The following CACNB4 variants were observed in gnomAD, a reference collection of about 807,000 sequenced individuals.
CACNB4 encodes the protein voltage-dependent L-type calcium channel subunit beta-4.
A neutral mutation model predicts 71.2 loss-of-function variants in CACNB4; 32 were observed. That is an observed-to-expected ratio of 0.45 (90% CI 0.34 to 0.60). The LOEUF (loss-of-function observed/expected upper bound fraction) is 0.60. CACNB4 is among the 20% of genes least tolerant of loss of function. CACNB4 has a pLI of 0.01. For missense variants in CACNB4, 464 were observed against 647.9 expected, an observed-to-expected ratio of 0.72 and a Z score of 3.08; for synonymous variants, 231 against 236.9, an observed-to-expected ratio of 0.97 and a Z score of 0.23.
chr2:151,927,629 A>C (rs1475783494), intron 2 of CACNB4, among the ~76,000 whole-genome samples: 1 of 152,256 alleles, frequency 6.6e-6, no homozygotes. Flanking sequence ...ACTGGTGAAC[A>C]GCACTGAAAA....
chr2:151,839,369 A>G lies in CACNB4; in HGVS notation c.1313T>C (p.Met438Thr), dbSNP rs766706127. 1 of 1,607,526 alleles carries G rather than the reference A, an allele frequency of 6.2e-7. No homozygotes were observed. The highest frequency in any genetic ancestry group is 8.5e-7 in the Non-Finnish European group (1 of 1,174,756). Residue 438 changes from methionine (M) to threonine (T), a missense_variant, in exon 14 of 14, where the codon ATG (methionine) becomes ACG (threonine). Around this residue, in one of 3 missense-constraint regions of CACNB4, gnomAD observed 115 missense variants for 128.8 expected, o/e 0.89. Transcript: ENST00000539935. Reference protein sequence around the residue: ...TAISGLQSQRMRHSNHSTENS... With the variant: ...TAISGLQSQRTRHSNHSTENS... ...CTCTGTGGAGTGGTTGCTGTGCCTC[A>G]TTCGCTGACTCTAAAAATATCAGAT...
At chr2:152,077,145 GC>G (rs1687075091) in intron 2 of CACNB4, among the ~76,000 whole-genome samples, 1 of 152,244 alleles carries the variant, frequency 6.6e-6, no homozygotes, top group African/African-American at 2.4e-5. Flanking sequence ...AAAGAGCCGA[GC>G]ACAGTGGCTC....
At chr2:151,878,921 AAAAAG>A (rs1282161082) in intron 4 of CACNB4, among the ~76,000 whole-genome samples, 3 of 152,216 alleles carry the variant, frequency 2.0e-5, no homozygotes, top group Non-Finnish European at 1.5e-5. Context: ...CAAAAAAATA[AAAAAG>A]AAAAGAAAAG....
chr2:151,976,638 G>A (rs995681120), intron 2 of CACNB4, among the ~76,000 whole-genome samples: 1 of 152,082 alleles, frequency 6.6e-6, no homozygotes, highest in Non-Finnish European at 1.5e-5. Context: ...CCCAATACTC[G>A]GGCTGATCCC....
intron 3 of CACNB4, among the ~76,000 whole-genome samples, 159 bp from the exon 4 acceptor site, chr2:151,881,081 A>T (rs2099847700): frequency 6.6e-6 from 1 of 152,216 alleles, no homozygotes; most frequent in Non-Finnish European, 1.5e-5. Context: ...ACCTGCAGAG[A>T]TGACTCTGAA....
At chr2:151,877,891 T>C (rs2099846849) in intron 4 of CACNB4, among the ~76,000 whole-genome samples, 1 of 152,170 alleles carries the variant, frequency 6.6e-6, no homozygotes, top group Non-Finnish European at 1.5e-5. Flanking sequence ...ATTGGCAAAA[T>C]TGCATTTCTA....
intron 5 of CACNB4, among the ~76,000 whole-genome samples, chr2:151,875,648 C>T (rs1366231594): frequency 7.3e-6 from 1 of 136,596 alleles, no homozygotes; most frequent in African/African-American, 3.0e-5. Flanking sequence ...CCCTCCCGGA[C>T]GGGGCGGCTG....
At chr2:152,096,665 T>C (rs1379199969) in intron 2 of CACNB4, among the ~76,000 whole-genome samples, 1 of 152,220 alleles carries the variant, frequency 6.6e-6, no homozygotes, top group Non-Finnish European at 1.5e-5. Context: ...CCCAAAATTA[T>C]TTAGCATGCA....
chr2:152,098,390 C>T lies in CACNB4; in HGVS notation c.87G>A (p.Arg29=). 1 of 1,613,688 alleles carries T rather than the reference C, an allele frequency of 6.2e-7. No individual in the cohort carries two copies. Among genetic ancestry groups the T allele is most frequent in the Non-Finnish European group, 8.5e-7 (1 of 1,179,636 alleles). ...TSQVARGTTT[R]RSRLKRSDGS... ...CATCGGATCTTTTCAACCTGCTCCT[C>T]CGGGTTGTGGTGCCTCGGGCCACCT... The change falls in exon 2 of 14, where the codon CGG becomes CGA. Residue 29 remains arginine, a synonymous_variant. Transcript: ENST00000539935. The surrounding 1 kb of genome is among the most constrained non-coding windows in gnomAD (Gnocchi z 5.3).
chr2:151,907,301 T>C (rs2099855067), intron 2 of CACNB4, among the ~76,000 whole-genome samples: 1 of 152,224 alleles, frequency 6.6e-6, no homozygotes, highest in Admixed American at 6.5e-5. Flanking sequence ...TATTTTTTCC[T>C]GAATCAGGTC....
intron 2 of CACNB4, among the ~76,000 whole-genome samples, chr2:151,930,030 T>C (rs2099861246): frequency 6.6e-6 from 1 of 152,050 alleles, no homozygotes. Context: ...AAAAATAAAT[T>C]CGTGATAAAG....
At chr2:152,067,391 G>GC (rs1686404929) in intron 2 of CACNB4, among the ~76,000 whole-genome samples, 1 of 144,490 alleles carries the variant, frequency 6.9e-6, no homozygotes, top group African/African-American at 2.5e-5. Flanking sequence ...GTGTGTGTGG[G>GC]GGGGGGGGTG....
Position 151,860,400 on chromosome 2 carries a change from C to A in CACNB4, c.868+311G>T, listed in dbSNP as rs1024938826. ...ACTCAGGTATGACAGATATCATTAG[C>A]CTTGTTGAGAAGCTGAGCAAAGTGG... On this transcript the variant is annotated intron_variant, in intron 10 of 13. Coordinates refer to ENST00000539935, the MANE Select transcript of CACNB4 (RefSeq NM_000726.5). 1.3e-5 allele frequency: 5 copies of A among 383,126 alleles called. No homozygotes were observed. In the Admixed American group the frequency reaches 1.4e-4, roughly 11 times the overall value. The allele number at this position is 383,126 out of a possible 1,614,324, so 23.7% of individuals were successfully genotyped here. A position where few individuals can be genotyped will look rare whatever the true frequency, so the allele number is the denominator to read the frequency against.
intron 2 of CACNB4, among the ~76,000 whole-genome samples, chr2:151,887,658 A>G (rs1250440238): frequency 6.6e-6 from 1 of 152,180 alleles, no homozygotes; most frequent in Non-Finnish European, 1.5e-5. Context: ...TTGGATCCAG[A>G]CAGTATTAGG....
chr2:151,857,497 A>G (rs2099840602), intron 10 of CACNB4: 2 of 152,202 alleles, frequency 1.3e-5, no homozygotes, highest in Admixed American at 6.5e-5. Flanking sequence ...CATGGCAGAA[A>G]CAGTTTTAAA....
intron 9 of CACNB4, among the ~76,000 whole-genome samples, chr2:151,864,304 A>G (rs1401038514): frequency 6.6e-6 from 1 of 152,176 alleles, no homozygotes; most frequent in Non-Finnish European, 1.5e-5. Flanking sequence ...ATCATTCCCT[A>G]AATATAGTAA....
At chr2:152,045,829 T>C (rs1685118530) in intron 2 of CACNB4, among the ~76,000 whole-genome samples, 1 of 152,094 alleles carries the variant, frequency 6.6e-6, no homozygotes, top group South Asian at 2.1e-4. Flanking sequence ...CAGGGATTCA[T>C]TAAACATTTG....
At chr2:151,849,204 C>T (rs1392794594) in intron 12 of CACNB4, among the ~76,000 whole-genome samples, 1 of 152,182 alleles carries the variant, frequency 6.6e-6, no homozygotes. Flanking sequence ...AATTCCTTGA[C>T]ATTCCCTCAT....
intron 2 of CACNB4, among the ~76,000 whole-genome samples, chr2:151,999,256 G>A (rs565724930): frequency 1.3e-5 from 2 of 152,104 alleles, no homozygotes; most frequent in South Asian, 4.2e-4. Context: ...GCCCCCTCTG[G>A]GTTTTTTGCT....
Sources: allele counts gnomAD v4.1 joint callset (sites outside exome capture counted in the v4.1 genomes callset), GRCh38; gene constraint gnomAD v4.1.1; regional missense constraint gnomAD v4.1.1; non-coding constraint Gnocchi (gnomAD v3.1); transcripts MANE v1.5; gene names NCBI Gene and HGNC (gene_info 2026-07-23, HGNC 2026-07-21).